Variants in MAD1L1 observed in about 807,000 individuals in gnomAD.
The protein encoded by MAD1L1 is mitotic arrest deficient 1 like 1, also known as mitotic spindle assembly checkpoint protein MAD1.
In MAD1L1, 95 loss-of-function variants were observed where a neutral mutation model predicts 96.9. The observed-to-expected ratio is 0.98, with a 90% CI of 0.83 to 1.16. The LOEUF is 1.16. Among genes scored for constraint, MAD1L1 ranks in the 50% most tolerant of loss-of-function variants. The probability of loss-of-function intolerance (pLI) is 0.00; values close to 1 mark genes in which losing one functional copy is unlikely to be tolerated. For missense variants in MAD1L1, 1,007 were observed against 954.4 expected (o/e 1.06, Z -0.73); for synonymous variants, 473 against 396.6 (o/e 1.19, Z -2.29).
In MAD1L1 at chr7:2,043,647, G is replaced by T. The variant is rs575033425; in HGVS notation, c.1218+25547C>A. Among the ~76,000 whole-genome samples, 449 of 152,308 alleles carry T rather than the reference G, an allele frequency of 2.9e-3. 2 individuals carry two copies. Among genetic ancestry groups the T allele is most frequent in the African/African-American group, 0.01 (433 of 41,564 alleles). On this transcript the variant is annotated intron_variant, in intron 12 of 18. Coordinates refer to ENST00000265854, the MANE Select transcript of MAD1L1 (RefSeq NM_001013836.2). Reference sequence around the variant, plus strand: ...TGGAGGCACGCGGAGGGCCTGGGGGGGCTGGGGATCCAGACTGGCTGAGCG... The same window carrying T: ...TGGAGGCACGCGGAGGGCCTGGGGGTGCTGGGGATCCAGACTGGCTGAGCG...
intron 12 of MAD1L1, among the ~76,000 whole-genome samples, chr7:2,032,978 T>C (rs4721328): frequency 0.99 from 151,514 of 152,386 alleles, 75,331 homozygotes; most frequent in Non-Finnish European, 1. Context: ...GCTGAGAAGA[T>C]GCCCCCAGCC....
At chr7:2,030,591 C>T (rs1290168794) in intron 12 of MAD1L1, among the ~76,000 whole-genome samples, 2 of 152,196 alleles carry the variant, frequency 1.3e-5, no homozygotes, top group South Asian at 2.1e-4. Context: ...GGCCGGACCC[C>T]GCAGGAGTGG....
chr7:1,965,187 G>A (rs530097578), intron 15 of MAD1L1, among the ~76,000 whole-genome samples: 5 of 152,214 alleles, frequency 3.3e-5, no homozygotes, highest in East Asian at 3.8e-4. Flanking sequence ...AGTGGGGTAC[G>A]TAGGACCCCC....
intron 12 of MAD1L1, among the ~76,000 whole-genome samples, chr7:2,015,376 G>A (rs1782490455): frequency 6.6e-6 from 1 of 152,218 alleles, no homozygotes; most frequent in Non-Finnish European, 1.5e-5. Flanking sequence ...AGCTTCCTGG[G>A]ATGACACTGA....
chr7:1,951,440 G>A (rs1195633550), intron 16 of MAD1L1, among the ~76,000 whole-genome samples: 1 of 152,176 alleles, frequency 6.6e-6, no homozygotes, highest in Non-Finnish European at 1.5e-5. Context: ...AAACGCACGT[G>A]ACAGGAAGCT....
chr7:2,019,102 G>A (rs1030884666), intron 12 of MAD1L1, among the ~76,000 whole-genome samples: 102 of 152,278 alleles, frequency 6.7e-4, no homozygotes, highest in African/African-American at 2.3e-3. Context: ...CTGCAGACAC[G>A]GCTCTGCCCA....
Position 2,115,564 on chromosome 7 carries a change from C to T in MAD1L1, c.1073+33588G>A, listed in dbSNP as rs371919143. On this transcript the variant is annotated intron_variant, in intron 11 of 18. Transcript: ENST00000265854. ...TCAGAGGAGGCGCTGGACAGGGTCCCCGTGTGTTCCGGGATCAGAGGAGGC... is the reference window on the plus strand; with the variant it reads ...TCAGAGGAGGCGCTGGACAGGGTCCTCGTGTGTTCCGGGATCAGAGGAGGC... Among the ~76,000 whole-genome samples, 9 of 151,512 alleles carry T rather than the reference C, an allele frequency of 5.9e-5. No individual in the cohort carries two copies. The South Asian group carries it at 1.9e-3, about 32-fold the overall frequency.
intron 11 of MAD1L1, among the ~76,000 whole-genome samples, chr7:2,107,111 G>A (rs528098992): frequency 4.0e-4 from 61 of 152,356 alleles, no homozygotes; most frequent in Middle Eastern, 6.8e-3. Flanking sequence ...CCTGAGGATG[G>A]CAGCGCACCG....
chr7:1,838,696 T>A (rs1395288554), intron 18 of MAD1L1: 1 of 456,530 alleles, frequency 2.2e-6, no homozygotes. Context: ...ATGGGGCACG[T>A]TTCCTTCCAG....
At chr7:2,061,678 C>T (rs1200460158) in intron 12 of MAD1L1, among the ~76,000 whole-genome samples, 1 of 152,260 alleles carries the variant, frequency 6.6e-6, no homozygotes, top group African/African-American at 2.4e-5. Context: ...GCAAGGGCAC[C>T]CAGGGGATCA....
At chr7:1,879,293 T>C (rs1785549203) in intron 18 of MAD1L1, among the ~76,000 whole-genome samples, 1 of 151,972 alleles carries the variant, frequency 6.6e-6, no homozygotes, top group Admixed American at 6.6e-5. Flanking sequence ...CCATCTCTAC[T>C]AAAAATAAAA....
At chr7:1,830,828 G>A (rs1782666421) in intron 18 of MAD1L1, among the ~76,000 whole-genome samples, 1 of 152,070 alleles carries the variant, frequency 6.6e-6, no homozygotes, top group Non-Finnish European at 1.5e-5. Context: ...GAAAAAGAGG[G>A]AAGAAAAAAG....
chr7:1,926,047 T>A (rs1182958596), intron 17 of MAD1L1, among the ~76,000 whole-genome samples: 1 of 151,020 alleles, frequency 6.6e-6, no homozygotes, highest in Non-Finnish European at 1.5e-5. Context: ...AAAAAAGACA[T>A]AAACGACCAG....
At chr7:1,826,399 G>A (rs1225163300) in intron 18 of MAD1L1, among the ~76,000 whole-genome samples, 2 of 152,242 alleles carry the variant, frequency 1.3e-5, no homozygotes, top group South Asian at 2.1e-4. Context: ...TGACTCCCCC[G>A]CTCATGGCCT....
intron 11 of MAD1L1, among the ~76,000 whole-genome samples, chr7:2,077,918 T>C (rs1440855919): frequency 6.6e-6 from 1 of 152,132 alleles, no homozygotes. Context: ...GCAGCCTGGA[T>C]CTAGAGGCAA....
intron 11 of MAD1L1, among the ~76,000 whole-genome samples, chr7:2,147,901 A>T (rs556382427): frequency 2.8e-4 from 43 of 152,376 alleles, no homozygotes; most frequent in Middle Eastern, 6.8e-3. Flanking sequence ...AATTTTAGGA[A>T]GCACCTCCCT....
chr7:1,887,285 G>A (rs1180998075), intron 18 of MAD1L1, among the ~76,000 whole-genome samples: 3 of 152,158 alleles, frequency 2.0e-5, no homozygotes, highest in South Asian at 2.1e-4. Flanking sequence ...ATGTGTGTAT[G>A]TGGCTGCCTG....
chr7:2,140,400 G>A (rs969173801), intron 11 of MAD1L1, among the ~76,000 whole-genome samples: 1 of 152,254 alleles, frequency 6.6e-6, no homozygotes, highest in African/African-American at 2.4e-5. Context: ...GAATCGGAGA[G>A]TGCACCAGGG....
intron 15 of MAD1L1, among the ~76,000 whole-genome samples, chr7:1,959,403 C>T (rs1307228930): frequency 6.6e-6 from 1 of 152,154 alleles, no homozygotes; most frequent in African/African-American, 2.4e-5. Flanking sequence ...GGGACAAATA[C>T]TATAAGAAAG....
Sources: allele counts gnomAD v4.1 joint callset (sites outside exome capture counted in the v4.1 genomes callset), GRCh38; gene constraint gnomAD v4.1.1; transcripts MANE v1.5; gene names NCBI Gene and HGNC (gene_info 2026-07-23, HGNC 2026-07-21).